EFEMP1: variants seen among roughly 807,000 people sequenced by gnomAD.
EFEMP1 encodes the protein EGF-like fibulin extracellular matrix protein 1.
Under a neutral mutation model 65.7 loss-of-function variants are expected in EFEMP1, and 18 were observed. The ratio of observed to expected loss-of-function variants is 0.27; its 90% CI spans 0.19 to 0.41. The LOEUF is 0.41. Among genes scored for constraint, EFEMP1 ranks in the 10% least tolerant of loss-of-function variants. The pLI, the probability that EFEMP1 is intolerant of heterozygous loss-of-function variation, is 1.00. For missense variants in EFEMP1, 469 were observed against 624.8 expected, an observed-to-expected ratio of 0.75 and a Z score of 2.66; for synonymous variants, 237 against 219.7, an observed-to-expected ratio of 1.08 and a Z score of -0.70.
intron 5 of EFEMP1, among the ~76,000 whole-genome samples, chr2:55,895,970 G>C (rs780349697): frequency 6.6e-6 from 1 of 152,138 alleles, no homozygotes; most frequent in East Asian, 1.9e-4. Flanking sequence ...CACCTTGTCT[G>C]GCTGGCTCAG....
Position 55,873,391 on chromosome 2 carries a change from A to C in EFEMP1, c.1000+1555T>G, listed in dbSNP as rs186300832. On this transcript the variant is annotated intron_variant, in intron 9 of 11. Coordinates refer to ENST00000355426, the MANE Select transcript of EFEMP1 (RefSeq NM_001039348.3). The surrounding 1 kb of genome is among the most constrained non-coding windows in gnomAD (Gnocchi z 4.6). ...CAATTTTGGTGCATTTTCCACCTTT[A>C]ATTACAATAGATATAAATGTTTCCA... Among the ~76,000 whole-genome samples, 2 of 152,182 alleles carry C rather than the reference A, an allele frequency of 1.3e-5. No individual in the cohort carries two copies. Among genetic ancestry groups the C allele is most frequent in the East Asian group, 3.9e-4 (2 of 5,186 alleles).
At chr2:55,888,539 A>G (rs528851669) in intron 5 of EFEMP1, among the ~76,000 whole-genome samples, 53 of 151,864 alleles carry the variant, frequency 3.5e-4, no homozygotes, top group African/African-American at 1.3e-3. Flanking sequence ...GGGTTTCACT[A>G]TGTTGGCCAG....
intron 6 of EFEMP1, among the ~76,000 whole-genome samples, chr2:55,879,124 T>C (rs1410619398): frequency 6.6e-6 from 1 of 152,162 alleles, no homozygotes; most frequent in African/African-American, 2.4e-5. Flanking sequence ...TACTCGACAT[T>C]GTGTTATGTG....
chr2:55,904,514 C>T (rs2104430695), intron 5 of EFEMP1, among the ~76,000 whole-genome samples: 2 of 152,218 alleles, frequency 1.3e-5, no homozygotes, highest in South Asian at 4.2e-4. Context: ...AGCAGATGGC[C>T]CTCACCAAAG....
chr2:55,908,806 T>C (rs1670378116), intron 5 of EFEMP1, among the ~76,000 whole-genome samples: 1 of 152,182 alleles, frequency 6.6e-6, no homozygotes, highest in East Asian at 1.9e-4. Context: ...CCAAAGTGTA[T>C]TTTCATTATT....
chr2:55,880,495 C>T (rs1279152399), intron 6 of EFEMP1, among the ~76,000 whole-genome samples: 1 of 152,240 alleles, frequency 6.6e-6, no homozygotes, highest in Non-Finnish European at 1.5e-5. Context: ...CCTGGGCCTT[C>T]CTCAGAGGCT....
Position 55,870,453 on chromosome 2 carries a change from G to A in EFEMP1, c.1320+267C>T, listed in dbSNP as rs1668759848. ...AGTCTGCCAAACTTAATATTTGAGT[G>A]ATTTCAGGGATGCTACTTAATCTTT... On this transcript the variant is annotated intron_variant, in intron 11 of 11. Transcript: ENST00000355426. This position sits in a 1 kb window ranked among gnomAD's most constrained non-coding sequence, Gnocchi z 5.8. Among the ~76,000 whole-genome samples, 1 of 151,976 alleles carries A rather than the reference G, an allele frequency of 6.6e-6. No individual in the cohort carries two copies. Among genetic ancestry groups the A allele is most frequent in the Non-Finnish European group, 1.5e-5 (1 of 67,984 alleles).
chr2:55,920,154 T>C (rs962233408), intron 3 of EFEMP1, among the ~76,000 whole-genome samples: 1 of 152,226 alleles, frequency 6.6e-6, no homozygotes, highest in African/African-American at 2.4e-5. Flanking sequence ...AGCTTTTGAT[T>C]ATGCCACTCT....
At position 55,923,596 on chromosome 2, in the gene EFEMP1, T is replaced by C; in HGVS notation, c.-49+115A>G. ...TCTCTGCCCGAGACACCCTGCACAGTCCAGGGCAGTTCTCGGGTACTCAAC... is the reference window on the plus strand; with the variant it reads ...TCTCTGCCCGAGACACCCTGCACAGCCCAGGGCAGTTCTCGGGTACTCAAC... On this transcript the variant is annotated intron_variant, in intron 1 of 11. Transcript: ENST00000355426. This position sits in a 1 kb window ranked among gnomAD's most constrained non-coding sequence, Gnocchi z 5.3. The C allele has an allele frequency of 1.0e-6, 1 of 985,566 alleles. No individual in the cohort carries two copies. Among genetic ancestry groups the C allele is most frequent in the Non-Finnish European group, 1.2e-6 (1 of 830,112 alleles). The allele number at this position is 985,566 out of a possible 1,614,324, so 61.1% of individuals were successfully genotyped here. A position where few individuals can be genotyped will look rare whatever the true frequency, so the allele number is the denominator to read the frequency against.
rs967759712 is a variant in EFEMP1, at chr2:55,885,026, G to T, written c.518-3292C>A. Reference sequence around the variant, plus strand: ...TGTTTTACCTAATGGAGCTAAAAATGTATGAAGCAGAGTAACAAGGTATAT... The same window carrying T: ...TGTTTTACCTAATGGAGCTAAAAATTTATGAAGCAGAGTAACAAGGTATAT... On this transcript the variant is annotated intron_variant, in intron 5 of 11. Transcript: ENST00000355426. The surrounding 1 kb of genome is among the most constrained non-coding windows in gnomAD (Gnocchi z 4.3). 6.6e-6 allele frequency among the ~76,000 whole-genome samples: 1 copy of T among 152,210 alleles called. No homozygotes were observed. The highest frequency in any genetic ancestry group is 2.4e-5 in the African/African-American group (1 of 41,448).
In EFEMP1 at chr2:55,922,575, A is replaced by C; in HGVS notation, c.-7-128T>G. ...TGAGGCTCCACCATACTCAACTTCC[A>C]ATCTGCTTTCTCATCTCCCCTCCCC... is the stretch of plus-strand genomic sequence containing the variant. On this transcript the variant is annotated intron_variant, in intron 2 of 11. Coordinates refer to ENST00000355426, the MANE Select transcript of EFEMP1 (RefSeq NM_001039348.3). This position sits in a 1 kb window ranked among gnomAD's most constrained non-coding sequence, Gnocchi z 5.5. The C allele has an allele frequency of 1.2e-6, 1 of 860,388 alleles. No individual in the cohort carries two copies. Among genetic ancestry groups the C allele is most frequent in the South Asian group, 1.4e-5 (1 of 72,528 alleles). The allele number at this position is 860,388 out of a possible 1,614,324, so 53.3% of individuals were successfully genotyped here. A position where few individuals can be genotyped will look rare whatever the true frequency, so the allele number is the denominator to read the frequency against.
At chr2:55,890,829 A>T (rs981640833) in intron 5 of EFEMP1, among the ~76,000 whole-genome samples, 9 of 152,082 alleles carry the variant, frequency 5.9e-5, no homozygotes, top group African/African-American at 1.9e-4. Context: ...CTACCTCCTC[A>T]TATCATCCTT....
In EFEMP1 at chr2:55,870,650, A is replaced by G. The variant is rs1668769532; in HGVS notation, c.1320+70T>C. 4 of 1,579,576 alleles carry G rather than the reference A, an allele frequency of 2.5e-6. No individual in the cohort carries two copies. The highest frequency in any genetic ancestry group is 3.5e-6 in the Non-Finnish European group (4 of 1,153,276). On this transcript the variant is annotated intron_variant, in intron 11 of 11. Transcript: ENST00000355426. This position sits in a 1 kb window ranked among gnomAD's most constrained non-coding sequence, Gnocchi z 5.8. ...TTCCACATGTGGATACCACACAACA[A>G]CAACAACAACAACAACAACAACAAA...
intron 4 of EFEMP1, 53 bp downstream of exon 4, chr2:55,918,164 CAA>C (rs1459041020): frequency 1.3e-5 from 21 of 1,612,896 alleles, no homozygotes; most frequent in Non-Finnish European, 1.8e-5. Context: ...AAGAGTGACA[CAA>C]GAGATGGAGA....
chr2:55,875,140 AT>A, intron 8 of EFEMP1, 75 bp from the exon 9 acceptor site: 1 of 535,606 alleles, frequency 1.9e-6, no homozygotes, highest in Non-Finnish European at 2.6e-6. Flanking sequence ...ATATATATAT[AT>A]AAATTATATA....
intron 5 of EFEMP1, among the ~76,000 whole-genome samples, chr2:55,891,111 A>G (rs191911006): frequency 0.021 from 3,256 of 152,148 alleles, 63 homozygotes; most frequent in South Asian, 0.077. Flanking sequence ...GGAAGAGGAA[A>G]AGATCTTGAC....
At chr2:55,878,342 G>A (rs1669112255) in intron 6 of EFEMP1, among the ~76,000 whole-genome samples, 2 of 152,170 alleles carry the variant, frequency 1.3e-5, no homozygotes. Flanking sequence ...GGCTTGCCAT[G>A]TGTATCTTAG....
chr2:55,901,399 C>G (rs957444202), intron 5 of EFEMP1, among the ~76,000 whole-genome samples: 10 of 152,086 alleles, frequency 6.6e-5, no homozygotes, highest in Non-Finnish European at 1.3e-4. Flanking sequence ...GAGATGGAAT[C>G]ATTTATGAGT....
In EFEMP1 at chr2:55,867,090, C is replaced by T; in HGVS notation, c.1465G>A (p.Gly489Arg). ...AGAAAAGACTAAAATGAAAATGGCC[C>T]CACTATTATTGTCAATCTTAACACA... ...SSVLRLTIIV[G>R]PFSF The change falls in exon 12 of 12, where the codon GGG becomes AGG. Residue 489 changes from glycine to arginine, a missense_variant. By Grantham distance (125) the Gly-to-Arg change is moderately radical (BLOSUM62 -2). Coordinates refer to ENST00000355426, the MANE Select transcript of EFEMP1 (RefSeq NM_001039348.3). The surrounding 1 kb of genome is among the most constrained non-coding windows in gnomAD (Gnocchi z 4.3). 6.2e-7 allele frequency: 1 copy of T among 1,612,770 alleles called. No individual in the cohort carries two copies. Among genetic ancestry groups the T allele is most frequent in the African/African-American group, 1.3e-5 (1 of 74,952 alleles).
Sources: gnomAD v4.1 joint callset for allele counts (sites outside exome capture counted in the v4.1 genomes callset) on GRCh38, gnomAD v4.1.1 for gene constraint, Gnocchi (gnomAD v3.1) non-coding constraint, MANE v1.5 for transcripts, NCBI Gene and HGNC (gene_info 2026-07-23, HGNC 2026-07-21) for gene names.